The following RAD52 variants were observed in gnomAD, a reference collection of about 807,000 sequenced individuals.
The protein encoded by RAD52 is DNA repair protein RAD52 homolog.
RAD52 carries 47 observed loss-of-function variants against 55.5 expected under a neutral mutation model. That is an observed-to-expected ratio of 0.85 (90% CI 0.67 to 1.08). RAD52 has a LOEUF of 1.08. Among genes scored for constraint, RAD52 ranks in the 50% least tolerant of loss-of-function variants. The pLI, the probability that RAD52 is intolerant of heterozygous loss-of-function variation, is 0.00. For missense variants in RAD52, 468 were observed against 522.8 expected, an observed-to-expected ratio of 0.90 and a Z score of 1.02; for synonymous variants, 184 against 198.9, an observed-to-expected ratio of 0.92 and a Z score of 0.63.
chr12:935,651 C>A (rs1695172301), intron 1 of RAD52, among the ~76,000 whole-genome samples: 1 of 151,212 alleles, frequency 6.6e-6, no homozygotes. Flanking sequence ...GTCAGGAATT[C>A]GAGACCAGCC....
rs1956646971 is a variant in RAD52, at chr12:920,281, G to C, written c.544-3461C>G. On this transcript the variant is annotated intron_variant, in intron 7 of 11. Transcript: ENST00000358495. ...ATATAATGATAAGAATGTCAGCCAGGTGCAGTGGCTCACACCTATAATCCC... is the reference window on the plus strand; with the variant it reads ...ATATAATGATAAGAATGTCAGCCAGCTGCAGTGGCTCACACCTATAATCCC... Among the ~76,000 whole-genome samples, 2 of 116,048 alleles carry C rather than the reference G, an allele frequency of 1.7e-5. 1 individual carries two copies. Among genetic ancestry groups the C allele is most frequent in the African/African-American group, 7.2e-5 (2 of 27,942 alleles). The allele number at this position is 116,048 out of a possible 152,430, so 76.1% of individuals were successfully genotyped here.
chr12:941,351 T>G (rs1446368261), intron 1 of RAD52, among the ~76,000 whole-genome samples: 1 of 152,004 alleles, frequency 6.6e-6, no homozygotes, highest in African/African-American at 2.4e-5. Flanking sequence ...AGAGTTTCAC[T>G]CTTGTTGCCC....
chr12:913,041 C>T lies in RAD52; in HGVS notation c.*350G>A. On this transcript the variant is annotated 3_prime_UTR_variant, in exon 12 of 12. Transcript: ENST00000358495. Reference sequence around the variant, plus strand: ...AATTGCTGAGGCAGGTGCTTAGGACCAAGTCTGGCCTATATTGCTTGAGGG... The same window carrying T: ...AATTGCTGAGGCAGGTGCTTAGGACTAAGTCTGGCCTATATTGCTTGAGGG... 1 of 245,218 alleles carries T rather than the reference C, an allele frequency of 4.1e-6. No homozygotes were observed. Among genetic ancestry groups the T allele is most frequent in the Non-Finnish European group, 7.8e-6 (1 of 128,976 alleles). 15.2% of individuals were successfully genotyped at this position (245,218 alleles called of 1,614,324 possible). A position where few individuals can be genotyped will look rare whatever the true frequency, so the allele number is the denominator to read the frequency against.
chr12:953,535 A>G (rs945892664), upstream of RAD52, among the ~76,000 whole-genome samples: 5 of 152,300 alleles, frequency 3.3e-5, no homozygotes, highest in Non-Finnish European at 7.4e-5. Context: ...GTGTACAAAA[A>G]GTCCTCATAC....
At chr12:940,213 C>T (rs955413488) in intron 1 of RAD52, among the ~76,000 whole-genome samples, 1 of 152,010 alleles carries the variant, frequency 6.6e-6, no homozygotes, top group Non-Finnish European at 1.5e-5. Flanking sequence ...AAGGGAAGGT[C>T]GGGTAGAGAC....
intron 1 of RAD52, among the ~76,000 whole-genome samples, chr12:967,458 T>A (rs1485244492): frequency 6.6e-6 from 1 of 151,528 alleles, no homozygotes; most frequent in Admixed American, 6.6e-5. Context: ...CACGTAACCA[T>A]CACCTAGCTC....
At chr12:921,700 G>A (rs1956735856) in intron 7 of RAD52, among the ~76,000 whole-genome samples, 1 of 151,702 alleles carries the variant, frequency 6.6e-6, no homozygotes, top group African/African-American at 2.4e-5. Flanking sequence ...GAGATGAGAT[G>A]AGATGAGATG....
chr12:991,011 C>A (rs573923602), upstream of RAD52: 20 of 151,996 alleles, frequency 1.3e-4, no homozygotes, highest in African/African-American at 4.8e-4. Flanking sequence ...TGCTAATCGA[C>A]CGCCGTGGCG....
rs151280459 is a variant in RAD52 at position 933,002 on chromosome 12, G to A, written c.57C>T (p.Gly19=). The A allele has an allele frequency of 4.3e-6, 7 of 1,613,836 alleles. No individual in the cohort carries two copies. The highest frequency in any genetic ancestry group is 2.2e-5 in the East Asian group (1 of 44,888). ...LGGRDSHPAA[G]GGSVLCFGQC... Reference sequence around the variant, plus strand: ...GTCCAAAGCATAACACTGAGCCGCCGCCAGCAGCAGGATGGCTGTCACGTC... The same window carrying A: ...GTCCAAAGCATAACACTGAGCCGCCACCAGCAGCAGGATGGCTGTCACGTC... The change falls in exon 2 of 12, where the codon GGC becomes GGT. Residue 19 remains glycine (G), a synonymous_variant. Transcript: ENST00000358495.
intron 1 of RAD52, among the ~76,000 whole-genome samples, chr12:971,555 C>T (rs576533704): frequency 5.7e-4 from 86 of 151,948 alleles, no homozygotes; most frequent in Middle Eastern, 3.4e-3. Context: ...TCAAGATTTC[C>T]GTTTTTTAAA....
At position 972,765 on chromosome 12, in the gene RAD52, C is replaced by CAA. The variant is rs780150903; in HGVS notation, c.-19+17042_-19+17043dup. On this transcript the variant is annotated intron_variant, in intron 1 of 11. Transcript: ENST00000430095. ...TGGGCGACAGAGCGAGACTCCGTCTCAAAAAAAAAAAAAAAAAAAAAAAGG... is the reference window on the plus strand; with the variant it reads ...TGGGCGACAGAGCGAGACTCCGTCTCAAAAAAAAAAAAAAAAAAAAAAAAAGG... 5.3e-3 allele frequency among the ~76,000 whole-genome samples: 196 copies of CAA among 36,858 alleles called. 5 individuals are homozygous for CAA. The highest frequency in any genetic ancestry group is 0.01 in the Middle Eastern group (1 of 100). The allele number at this position is 36,858 out of a possible 152,430, so 24.2% of individuals were successfully genotyped here. A position where few individuals can be genotyped will look rare whatever the true frequency, so the allele number is the denominator to read the frequency against.
intron 1 of RAD52, among the ~76,000 whole-genome samples, chr12:949,144 C>T (rs939272013): frequency 9.2e-5 from 14 of 152,164 alleles, no homozygotes; most frequent in Admixed American, 4.6e-4. Context: ...TCACTGCAGG[C>T]TTGACCTCCA....
At chr12:940,245 TTGA>T (rs1171082835) in intron 1 of RAD52, among the ~76,000 whole-genome samples, 1 of 151,820 alleles carries the variant, frequency 6.6e-6, no homozygotes, top group Non-Finnish European at 1.5e-5. Context: ...CATGCAGAAC[TTGA>T]TGAGGTAGTC....
At position 915,498 on chromosome 12, in the gene RAD52, ACT is replaced by A. The variant is rs528853953; in HGVS notation, c.865+844_865+845del. On this transcript the variant is annotated intron_variant, in intron 9 of 11. Transcript: ENST00000358495. ...TGAGACAAGCCCTTTCTCTGTTTCC[ACT>A]CTCTGAGTAAGGACTACCTACCGCT... is the stretch of plus-strand genomic sequence containing the variant. Among the ~76,000 whole-genome samples, 14 of 152,190 alleles carry A rather than the reference ACT, an allele frequency of 9.2e-5. No individual in the cohort carries two copies. The South Asian group carries it at 2.7e-3, about 29-fold the overall frequency.
upstream of RAD52, chr12:990,688 C>A (rs1243041424): frequency 6.6e-6 from 1 of 152,260 alleles, no homozygotes; most frequent in East Asian, 1.9e-4. Context: ...AAAAAACCAG[C>A]TTTCTTGGGA....
rs1956230053 is a variant in RAD52 at position 914,057 on chromosome 12, C to T, written c.1032G>A (p.Lys344=). 1.2e-6 allele frequency: 2 copies of T among 1,614,196 alleles called. No homozygotes were observed. The highest frequency in any genetic ancestry group is 1.7e-6 in the Non-Finnish European group (2 of 1,180,030). The change falls in exon 11 of 12, where the codon AAG becomes AAA. Residue 344 remains lysine (K), a synonymous_variant. Transcript: ENST00000358495. ...GGGCTGGGTCTGCTCTAGACGAGGG[C>T]TTGACCACACCATCCCCTGCATCGG... ...VTPDAGDGVV[K]PSSRADPAQT...
chr12:953,498 T>G (rs1283822968), upstream of RAD52, among the ~76,000 whole-genome samples: 1 of 152,132 alleles, frequency 6.6e-6, no homozygotes, highest in Admixed American at 6.5e-5. Flanking sequence ...ATAAAGTGTA[T>G]GTCTACGACC....
intron 7 of RAD52, among the ~76,000 whole-genome samples, chr12:925,083 TG>T (rs781452890): frequency 8.6e-5 from 13 of 151,954 alleles, no homozygotes; most frequent in South Asian, 6.2e-4. Flanking sequence ...CCCGAGTAGC[TG>T]GGACTACAGG....
rs1051155058 is a variant in RAD52, at chr12:980,295, CT to C, written c.-19+9513del. On this transcript the variant is annotated intron_variant, in intron 1 of 11. Coordinates refer to the RAD52 transcript ENST00000430095. ...AATGTCTCCTATTGTGTTGTCTTTC[CT>C]TTTTTTTTTTTTTTGAGACGAAGTC... Among the ~76,000 whole-genome samples, 239 of 139,582 alleles carry C rather than the reference CT, an allele frequency of 1.7e-3. 1 individual carries two copies. Among genetic ancestry groups the C allele is most frequent in the Middle Eastern group, 3.5e-3 (1 of 282 alleles). The allele number at this position is 139,582 out of a possible 152,430, so 91.6% of individuals were successfully genotyped here. A position where few individuals can be genotyped will look rare whatever the true frequency, so the allele number is the denominator to read the frequency against.
Sources: allele counts gnomAD v4.1 joint callset (sites outside exome capture counted in the v4.1 genomes callset), GRCh38; gene constraint gnomAD v4.1.1; transcripts MANE v1.5; gene names NCBI Gene and HGNC (gene_info 2026-07-23, HGNC 2026-07-21).